GGCX: variants seen among roughly 807,000 people sequenced by gnomAD.
GGCX encodes the protein vitamin K-dependent gamma-carboxylase.
GGCX carries 63 observed loss-of-function variants against 88.5 expected under a neutral mutation model. That is an observed-to-expected ratio of 0.71 (90% CI 0.58 to 0.88). The LOEUF (loss-of-function observed/expected upper bound fraction) is 0.88, where lower values mean the gene tolerates loss of function less well. GGCX is among the 40% of genes least tolerant of loss of function. The probability of loss-of-function intolerance (pLI) is 0.00; values close to 1 mark genes in which losing one functional copy is unlikely to be tolerated. For synonymous variants in GGCX, 368 were observed against 365.8 expected (o/e 1.01, Z -0.07); for missense variants, 805 against 932.9 (o/e 0.86, Z 1.79).
In GGCX at chr2:85,548,929, T is replaced by G. The variant is rs1268564875; in HGVS notation, c.*1005A>C. ...AGAAAATCTAGCAATCATCTAGATT[T>G]CCTTATTTAACTTTGATGCTGCTAT... On this transcript the variant is annotated 3_prime_UTR_variant, in exon 15 of 15. Transcript: ENST00000233838. 1 of 152,228 alleles carries G rather than the reference T, an allele frequency of 6.6e-6. No individual in the cohort carries two copies. The highest frequency in any genetic ancestry group is 1.9e-4 in the East Asian group (1 of 5,202). 9.4% of individuals were successfully genotyped at this position (152,228 alleles called of 1,614,324 possible). A position where few individuals can be genotyped will look rare whatever the true frequency, so the allele number is the denominator to read the frequency against.
intron 2 of GGCX, among the ~76,000 whole-genome samples, chr2:85,559,691 G>A (rs1452548503): frequency 1.3e-5 from 2 of 151,184 alleles, no homozygotes; most frequent in East Asian, 3.9e-4. Flanking sequence ...CTCCAGCCTG[G>A]GCAACAAGAT....
chr2:85,553,749 G>A (rs566518708), intron 7 of GGCX: 36 of 516,128 alleles, frequency 7.0e-5, no homozygotes, highest in African/African-American at 3.8e-4. Flanking sequence ...ACAGGCATGC[G>A]CCACCATGCT....
Position 85,552,453 on chromosome 2 carries a change from C to T in GGCX, c.1402G>A (p.Asp468Asn). 1 of 1,613,824 alleles carries T rather than the reference C, an allele frequency of 6.2e-7. No homozygotes were observed. Among genetic ancestry groups the T allele is most frequent in the Admixed American group, 1.7e-5 (1 of 60,034 alleles). ...YNVTEPQIYF[D>N]IWVSINDRFQ... ...CGGTCATTGATGGAGACCCAAATAT[C>T]AAAGTAGATCTGGGGCTCAGTGACA... The change falls in exon 10 of 15, where the codon GAT becomes AAT. Residue 468 changes from aspartate (D) to asparagine (N), a missense_variant. By Grantham distance (23) the Asp-to-Asn change is conservative (BLOSUM62 1). Coordinates refer to ENST00000233838, the MANE Select transcript of GGCX (RefSeq NM_000821.7).
rs376104544 is a variant in GGCX at position 85,550,997 on chromosome 2, T to C, written c.1816A>G (p.Thr606Ala). 6.2e-7 allele frequency: 1 copy of C among 1,613,748 alleles called. No individual in the cohort carries two copies. Among genetic ancestry groups the C allele is most frequent in the Non-Finnish European group, 8.5e-7 (1 of 1,179,592 alleles). ...PSCYMYVYVN[T>A]TELALEQDLA... is the part of the protein sequence containing the mutation. ...TCTTGCTCCAGTGCAAGCTCTGTAG[T>C]GTTGACATAGACGTACATGTAGCAA... The change falls in exon 13 of 15, where the codon ACT becomes GCT. Residue 606 changes from threonine to alanine, a missense_variant. Coordinates refer to ENST00000233838, the MANE Select transcript of GGCX (RefSeq NM_000821.7).
At chr2:85,551,781 C>A (rs753681900) in intron 11 of GGCX, 31 bp downstream of exon 11, 5 of 1,605,686 alleles carry the variant, frequency 3.1e-6, no homozygotes, top group African/African-American at 1.3e-5. Flanking sequence ...GAAGGAAAGA[C>A]AGAAAAGCCT....
chr2:85,552,401 G>A lies in GGCX; in HGVS notation c.1439+15C>T, dbSNP rs758719852. 10 of 1,611,010 alleles carry A rather than the reference G, an allele frequency of 6.2e-6. No homozygotes were observed. In the African/African-American group the frequency reaches 1.3e-4, roughly 22 times the overall value. On this transcript the variant is annotated intron_variant, in intron 10 of 14. Transcript: ENST00000233838. ...TGTGCTTCATTTTTTCCCACTCTCT[G>A]CTCCCCTTGCCCACCTCTGCTGGAA...
At chr2:85,556,284 GA>G in intron 4 of GGCX, 24 bp from the exon 5 acceptor site, 2 of 1,468,652 alleles carry the variant, frequency 1.4e-6, no homozygotes, top group Non-Finnish European at 1.9e-6. Flanking sequence ...GGTAAACATT[GA>G]GGGGGGAGCT....
chr2:85,549,760 T>C lies in GGCX; in HGVS notation c.*174A>G. ...TCTTGGGTTGTTAAATCTTATTTGCTTTATTTCCTTGGTTCCTCTAAGTTG... is the reference window on the plus strand; with the variant it reads ...TCTTGGGTTGTTAAATCTTATTTGCCTTATTTCCTTGGTTCCTCTAAGTTG... On this transcript the variant is annotated 3_prime_UTR_variant, in exon 15 of 15. Coordinates refer to ENST00000233838, the MANE Select transcript of GGCX (RefSeq NM_000821.7). 1 of 627,424 alleles carries C rather than the reference T, an allele frequency of 1.6e-6. No homozygotes were observed. The highest frequency in any genetic ancestry group is 1.9e-5 in the South Asian group (1 of 53,286). 38.9% of individuals were successfully genotyped at this position (627,424 alleles called of 1,614,324 possible). A position where few individuals can be genotyped will look rare whatever the true frequency, so the allele number is the denominator to read the frequency against.
Position 85,552,997 on chromosome 2 carries a change from T to G in GGCX, c.1229A>C (p.His410Pro), listed in dbSNP as rs751098883. ...GCCATCACGGTAGGTGATCTTCACGTGCTGGTGGGAGCGGGAGTGCACCAT... is the reference window on the plus strand; with the variant it reads ...GCCATCACGGTAGGTGATCTTCACGGGCTGGTGGGAGCGGGAGTGCACCAT... Reference protein sequence around the residue: ...DMMVHSRSHQHVKITYRDGRT... With the variant: ...DMMVHSRSHQPVKITYRDGRT... Residue 410 changes from histidine (H) to proline (P), a missense_variant, in exon 9 of 15, where the codon CAC (histidine) becomes CCC (proline). His to Pro is a moderately conservative substitution (Grantham distance 77, BLOSUM62 -2). Coordinates refer to ENST00000233838, the MANE Select transcript of GGCX (RefSeq NM_000821.7). The G allele has an allele frequency of 6.2e-7, 1 of 1,614,146 alleles. No individual in the cohort carries two copies. The highest frequency in any genetic ancestry group is 8.5e-7 in the Non-Finnish European group (1 of 1,179,976).
chr2:85,559,510 C>A (rs988850314), intron 2 of GGCX, among the ~76,000 whole-genome samples: 1 of 151,624 alleles, frequency 6.6e-6, no homozygotes, highest in African/African-American at 2.4e-5. Flanking sequence ...GTTGGGAGTT[C>A]GAAACCAGCC....
intron 6 of GGCX, 105 bp from the exon 7 acceptor site, chr2:85,554,411 C>A: frequency 1.1e-6 from 1 of 952,034 alleles, no homozygotes; most frequent in Admixed American, 1.7e-5. Context: ...TGGGTAGATG[C>A]CTAAGGTACA....
Position 85,558,797 on chromosome 2 carries a change from A to C in GGCX, c.373+120T>G, listed in dbSNP as rs1408046293. On this transcript the variant is annotated intron_variant, in intron 3 of 14. Transcript: ENST00000233838. Reference sequence around the variant, plus strand: ...CAGCTTAAGTGACACACAGGTCAACAGCATGAAATTGATCACAGCAGAAGT... The same window carrying C: ...CAGCTTAAGTGACACACAGGTCAACCGCATGAAATTGATCACAGCAGAAGT... The C allele has an allele frequency of 3.1e-6, 3 of 953,332 alleles. No individual in the cohort carries two copies. The African/African-American group carries it at 4.8e-5, about 15-fold the overall frequency. The allele number at this position is 953,332 out of a possible 1,614,324, so 59.1% of individuals were successfully genotyped here.
intron 10 of GGCX, 106 bp from the exon 11 acceptor site, chr2:85,552,087 G>T: frequency 1.2e-6 from 1 of 864,242 alleles, no homozygotes; most frequent in Non-Finnish European, 1.9e-6. Context: ...AATAGAAGAA[G>T]AAATGGCCTG....
intron 1 of GGCX, 107 bp downstream of exon 1, chr2:85,561,279 A>AC (rs55829881): frequency 1.4e-4 from 62 of 433,404 alleles, no homozygotes; most frequent in African/African-American, 3.8e-4. Flanking sequence ...CCCACAGAGG[A>AC]CCCCCCCCCC....
At chr2:85,550,806 A>G in intron 13 of GGCX, 56 bp from the exon 14 acceptor site, 1 of 1,587,710 alleles carries the variant, frequency 6.3e-7, no homozygotes, top group Admixed American at 1.7e-5. Context: ...CTCTCCCCTT[A>G]GAACTCCTCT....
intron 14 of GGCX, 33 bp downstream of exon 14, chr2:85,550,522 T>C (rs750338205): frequency 3.9e-6 from 6 of 1,528,516 alleles, no homozygotes; most frequent in East Asian, 2.2e-5. Context: ...TGCCAACATA[T>C]GATGGCAATG....
At position 85,549,928 on chromosome 2, in the gene GGCX, C is replaced by T. The variant is rs752471020; in HGVS notation, c.*6G>A. 1.3e-6 allele frequency: 2 copies of T among 1,599,286 alleles called. No individual in the cohort carries two copies. The highest frequency in any genetic ancestry group is 1.7e-6 in the Non-Finnish European group (2 of 1,166,732). On this transcript the variant is annotated 3_prime_UTR_variant, in exon 15 of 15. Transcript: ENST00000233838. ...TTCTACATCTGCACCCAACATCTGG[C>T]CCCCTTCAGAACTCTGAGTGGACAG...
Position 85,545,237 on chromosome 2 carries a change from A to G in GGCX, c.*4697T>C, listed in dbSNP as rs1364569447. The G allele has an allele frequency of 6.6e-6, 1 of 152,586 alleles. No homozygotes were observed. The highest frequency in any genetic ancestry group is 1.5e-5 in the Non-Finnish European group (1 of 68,028). 9.5% of individuals were successfully genotyped at this position (152,586 alleles called of 1,614,324 possible). On this transcript the variant is annotated 3_prime_UTR_variant, in exon 15 of 15. Coordinates refer to ENST00000233838, the MANE Select transcript of GGCX (RefSeq NM_000821.7). ...TACGTATGTCTGGTTCTCAATTCCA[A>G]CAGTTTAATGAAGATCTAAATAAAA...
rs1184420625 is a variant in GGCX at position 85,547,194 on chromosome 2, T to G, written c.*2740A>C. The G allele has an allele frequency of 6.6e-6, 1 of 152,210 alleles. No individual in the cohort carries two copies. Among genetic ancestry groups the G allele is most frequent in the Non-Finnish European group, 1.5e-5 (1 of 68,044 alleles). 9.4% of individuals were successfully genotyped at this position (152,210 alleles called of 1,614,324 possible). ...CATGAAAGTATGACTTAAGGAAATG[T>G]CTTTAGGTTGAACATTCTGTATATA... On this transcript the variant is annotated 3_prime_UTR_variant, in exon 15 of 15. Transcript: ENST00000233838.
Sources: gnomAD v4.1 joint callset for allele counts (sites outside exome capture counted in the v4.1 genomes callset) on GRCh38, gnomAD v4.1.1 for gene constraint, MANE v1.5 for transcripts, NCBI Gene and HGNC (gene_info 2026-07-23, HGNC 2026-07-21) for gene names.